NPAS4: variants seen among roughly 807,000 people sequenced by gnomAD.
The protein encoded by NPAS4 is neuronal PAS domain protein 4.
NPAS4 carries 10 observed loss-of-function variants against 64.0 expected under a neutral mutation model. The ratio of observed to expected loss-of-function variants is 0.16; its 90% CI spans 0.10 to 0.26. NPAS4 has a LOEUF of 0.26. Among genes scored for constraint, NPAS4 ranks in the 10% least tolerant of loss-of-function variants. NPAS4 has a pLI of 1.00. For missense variants in NPAS4, 886 were observed against 992.6 expected (o/e 0.89, Z 1.44); for synonymous variants, 441 against 411.7 (o/e 1.07, Z -0.86).
chr11:66,422,739 C>A lies in NPAS4; in HGVS notation c.496C>A (p.Leu166Ile). The A allele has an allele frequency of 6.2e-7, 1 of 1,614,190 alleles. No homozygotes were observed. Among genetic ancestry groups the A allele is most frequent in the Non-Finnish European group, 8.5e-7 (1 of 1,180,028 alleles). ...CAGGCGCCAGAGTGCAGGCAACAAA[C>A]TCGTGCTTATTCGAGGCCGATTCCA... ...SLRRQSAGNK[L>I]VLIRGRFHAH... The change falls in exon 4 of 8, where the codon CTC becomes ATC. Residue 166 changes from leucine to isoleucine, a missense_variant. Leu to Ile is a conservative substitution (Grantham distance 5, BLOSUM62 2). Around this residue, in one of 3 missense-constraint regions of NPAS4, gnomAD observed 820 missense variants for 855.5 expected, o/e 0.96. Coordinates refer to ENST00000311034, the MANE Select transcript of NPAS4 (RefSeq NM_178864.4).
rs148679589 is a variant in NPAS4 at position 66,425,076 on chromosome 11, G to A, written c.2186G>A (p.Gly729Glu). Residue 729 changes from glycine (G) to glutamate (E), a missense_variant, in exon 7 of 8, where the codon GGG (glycine) becomes GAG (glutamate). This residue lies in a region of NPAS4 where 820 missense variants were observed against 855.5 expected (regional missense o/e 0.96). Transcript: ENST00000311034. ...GATCCCAGTGAGGAATGGGGCTCAG[G>A]GGATCCTGAGGCAGAGGGCCCAGGA... is the stretch of plus-strand genomic sequence containing the variant. Reference protein sequence around the residue: ...TPDPSEEWGSGDPEAEGPGGA... With the variant: ...TPDPSEEWGSEDPEAEGPGGA... 7 of 1,604,640 alleles carry A rather than the reference G, an allele frequency of 4.4e-6. No homozygotes were observed. Among genetic ancestry groups the A allele is most frequent in the Non-Finnish European group, 6.0e-6 (7 of 1,176,256 alleles).
upstream of NPAS4, among the ~76,000 whole-genome samples, chr11:66,420,461 T>A (rs1856723844): frequency 6.6e-6 from 1 of 152,154 alleles, no homozygotes; most frequent in Admixed American, 6.5e-5. Context: ...GCCAAGGGAA[T>A]CCCAGGTTAA....
intron 1 of NPAS4, among the ~76,000 whole-genome samples, chr11:66,421,878 C>T (rs886703925): frequency 6.6e-6 from 1 of 152,172 alleles, no homozygotes; most frequent in African/African-American, 2.4e-5. Flanking sequence ...GCTCTGTCCG[C>T]GGTTCTGAAA....
At chr11:66,411,671 T>C in the NPAS4 span, among the ~76,000 whole-genome samples, 1 of 152,158 alleles carries the variant, frequency 6.6e-6, no homozygotes, top group East Asian at 1.9e-4. Context: ...CAGAAGCTGC[T>C]CCATCAGCAG....
Position 66,424,960 on chromosome 11 carries a change from A to T in NPAS4, c.2070A>T (p.Lys690Asn), listed in dbSNP as rs1565242231. 1 of 1,613,990 alleles carries T rather than the reference A, an allele frequency of 6.2e-7. No individual in the cohort carries two copies. Among genetic ancestry groups the T allele is most frequent in the Non-Finnish European group, 8.5e-7 (1 of 1,180,016 alleles). The change falls in exon 7 of 8, where the codon AAA (lysine) becomes AAT (asparagine). Residue 690 changes from lysine to asparagine, a missense_variant. Around this residue, in one of 3 missense-constraint regions of NPAS4, gnomAD observed 820 missense variants for 855.5 expected, o/e 0.96. Transcript: ENST00000311034. ...TCAGCCTGGACCTGAAACCCTGGAA[A>T]TGCCAGGAGCTGGACTTCCTGGCTG... The part of the protein sequence containing the change: ...PVLSLDLKPW[K>N]CQELDFLADP...
In NPAS4 at chr11:66,422,907, G is replaced by A. The variant is rs1856770683; in HGVS notation, c.664G>A (p.Ala222Thr). The change falls in exon 4 of 8, where the codon GCT (alanine) becomes ACT (threonine). Residue 222 changes from alanine to threonine, a missense_variant. Physicochemically the swap from Ala to Thr is moderately conservative, Grantham distance 58. This residue lies in a region of NPAS4 where 820 missense variants were observed against 855.5 expected (regional missense o/e 0.96). Coordinates refer to ENST00000311034, the MANE Select transcript of NPAS4 (RefSeq NM_178864.4). ...CCTGGCCATGTTCCAGAGCCGCCAT[G>A]CTAAAGACCTGGCTCTACTGGACAT... ...LFLAMFQSRH[A>T]KDLALLDISE... 1.9e-6 allele frequency: 3 copies of A among 1,607,984 alleles called. No individual in the cohort carries two copies. The highest frequency in any genetic ancestry group is 2.5e-6 in the Non-Finnish European group (3 of 1,180,000).
At chr11:66,421,454 C>A in intron 1 of NPAS4, 100 bp downstream of exon 1, 1 of 1,082,392 alleles carries the variant, frequency 9.2e-7, no homozygotes, top group Non-Finnish European at 1.4e-6. Flanking sequence ...GGGCAGCGTG[C>A]TGGCGAGCTG....
At position 66,424,466 on chromosome 11, in the gene NPAS4, C is replaced by A. The variant is rs1207834762; in HGVS notation, c.1576C>A (p.Pro526Thr). The change falls in exon 7 of 8, where the codon CCT becomes ACT. Residue 526 changes from proline (P) to threonine (T), a missense_variant. Pro to Thr is a conservative substitution (Grantham distance 38). Coordinates refer to ENST00000311034, the MANE Select transcript of NPAS4 (RefSeq NM_178864.4). ...TATFPEPLGS[P>T]AHEQLTPPST... ...CACCTTCCCAGAGCCTCTGGGCAGC[C>A]CTGCCCATGAACAGCTGACTCCTCC... is the stretch of plus-strand genomic sequence containing the variant. The A allele has an allele frequency of 6.2e-7, 1 of 1,614,032 alleles. No individual in the cohort carries two copies. Among genetic ancestry groups the A allele is most frequent in the Middle Eastern group, 1.6e-4 (1 of 6,062 alleles).
Position 66,422,906 on chromosome 11 carries a change from T to C in NPAS4, c.663T>C (p.His221=), listed in dbSNP as rs777600464. 2 of 1,608,224 alleles carry C rather than the reference T, an allele frequency of 1.2e-6. No homozygotes were observed. The highest frequency in any genetic ancestry group is 1.7e-6 in the Non-Finnish European group (2 of 1,179,972). ...TCCTGGCCATGTTCCAGAGCCGCCA[T>C]GCTAAAGACCTGGCTCTACTGGACA... ...SLFLAMFQSR[H]AKDLALLDIS... is the part of the protein sequence containing the mutation. Residue 221 remains histidine, a synonymous_variant, in exon 4 of 8, where the codon CAT becomes CAC. Transcript: ENST00000311034.
chr11:66,416,041 G>A (rs1856665141), upstream of NPAS4, among the ~76,000 whole-genome samples: 1 of 152,178 alleles, frequency 6.6e-6, no homozygotes. Flanking sequence ...GTTTGAGGTG[G>A]CAGTGAGCTA....
Position 66,426,130 on chromosome 11 carries a change from G to T in NPAS4, c.*141G>T, listed in dbSNP as rs930053423. 8.0e-5 allele frequency: 14 copies of T among 175,042 alleles called. No homozygotes were observed. Among genetic ancestry groups the T allele is most frequent in the Admixed American group, 2.1e-4 (2 of 9,312 alleles). The allele number at this position is 175,042 out of a possible 1,614,324, so 10.8% of individuals were successfully genotyped here. A position where few individuals can be genotyped will look rare whatever the true frequency, so the allele number is the denominator to read the frequency against. The stretch of plus-strand genomic sequence containing the variant: ...GATTCCCCAGGCCCTGCAGGATTTT[G>T]GGGGGGGGGAGGTGGGAGGGCAAGG... On this transcript the variant is annotated 3_prime_UTR_variant, in exon 8 of 8. Coordinates refer to ENST00000311034, the MANE Select transcript of NPAS4 (RefSeq NM_178864.4).
At chr11:66,423,000 G>T in intron 4 of NPAS4, 59 bp downstream of exon 4, 1 of 1,576,608 alleles carries the variant, frequency 6.3e-7, no homozygotes. Flanking sequence ...AGGGACCCTA[G>T]ATTCTGGAGT....
At chr11:66,423,080 C>A (rs746705451) in intron 4 of NPAS4, 43 bp from the exon 5 acceptor site, 2 of 1,520,098 alleles carry the variant, frequency 1.3e-6, no homozygotes, top group Admixed American at 3.7e-5. Flanking sequence ...GGGTATCAAG[C>A]AAGGAAAACA....
Position 66,422,697 on chromosome 11 carries a change from A to T in NPAS4, c.454A>T (p.Asn152Tyr). 5 of 1,613,956 alleles carry T rather than the reference A, an allele frequency of 3.1e-6. No individual in the cohort carries two copies. Among genetic ancestry groups the T allele is most frequent in the Non-Finnish European group, 4.2e-6 (5 of 1,179,970 alleles). Residue 152 changes from asparagine (N) to tyrosine (Y), a missense_variant, in exon 4 of 8, where the codon AAC becomes TAC. By Grantham distance (143) the Asn-to-Tyr change is moderately radical. Transcript: ENST00000311034. ...AGATCGCCTCTTCCGCTGCCGCTTC[A>T]ACACCTCCAAGTCCCTCAGGCGCCA... ...DTDRLFRCRF[N>Y]TSKSLRRQSA...
At chr11:66,414,244 A>T in the NPAS4 span, among the ~76,000 whole-genome samples, 5 of 152,162 alleles carry the variant, frequency 3.3e-5, no homozygotes, top group South Asian at 1.0e-3. Flanking sequence ...TGTGAGGAAA[A>T]TCCGCCTCCT....
the NPAS4 span, among the ~76,000 whole-genome samples, chr11:66,415,470 T>A: frequency 6.6e-6 from 1 of 152,142 alleles, no homozygotes; most frequent in Non-Finnish European, 1.5e-5. Context: ...CTCTAAAGGA[T>A]CAATTAGTAA....
the NPAS4 span, among the ~76,000 whole-genome samples, chr11:66,413,932 A>T: frequency 1.3e-5 from 2 of 152,138 alleles, no homozygotes; most frequent in African/African-American, 4.8e-5. Flanking sequence ...GCACCATCAC[A>T]TCACTGCAGA....
At chr11:66,415,164 C>T in the NPAS4 span, among the ~76,000 whole-genome samples, 1 of 152,232 alleles carries the variant, frequency 6.6e-6, no homozygotes, top group African/African-American at 2.4e-5. Flanking sequence ...TCCTCATTGC[C>T]TGTTCCAACT....
intron 4 of NPAS4, 44 bp from the exon 5 acceptor site, chr11:66,423,079 G>C: frequency 1.3e-6 from 2 of 1,521,478 alleles, no homozygotes; most frequent in Non-Finnish European, 1.8e-6. Flanking sequence ...TGGGTATCAA[G>C]CAAGGAAAAC....
Sources: gnomAD v4.1 joint callset for allele counts (sites outside exome capture counted in the v4.1 genomes callset) on GRCh38, gnomAD v4.1.1 for gene constraint, gnomAD v4.1.1 regional missense constraint, MANE v1.5 for transcripts, NCBI Gene and HGNC (gene_info 2026-07-23, HGNC 2026-07-21) for gene names.